The following PTBP3 variants were observed in gnomAD, a reference collection of about 807,000 sequenced individuals.
The protein encoded by PTBP3 is polypyrimidine tract-binding protein 3.
A neutral mutation model predicts 58.7 loss-of-function variants in PTBP3; 20 were observed. The ratio of observed to expected loss-of-function variants is 0.34; its 90% CI spans 0.24 to 0.50. The LOEUF (loss-of-function observed/expected upper bound fraction) is 0.50. Ranked by LOEUF, PTBP3 falls within the 20% of genes least tolerant of loss-of-function variation. PTBP3 has a pLI of 0.98. For synonymous variants in PTBP3, 185 were observed against 219.8 expected, an observed-to-expected ratio of 0.84 and a Z score of 1.40; for missense variants, 509 against 637.2, an observed-to-expected ratio of 0.80 and a Z score of 2.17.
chr9:112,340,620 C>A, the PTBP3 span, among the ~76,000 whole-genome samples: 2 of 152,146 alleles, frequency 1.3e-5, no homozygotes, highest in African/African-American at 4.8e-5. Flanking sequence ...CAGTGGCTCA[C>A]GCCTGTAATC....
intron 3 of PTBP3, 110 bp downstream of exon 3, chr9:112,275,734 T>A (rs1354731894): frequency 1.9e-6 from 2 of 1,042,338 alleles, no homozygotes; most frequent in Non-Finnish European, 2.7e-6. Context: ...CTAACTTATG[T>A]TCATAGTATG....
At chr9:112,247,266 A>C (rs927931805) in intron 7 of PTBP3, among the ~76,000 whole-genome samples, 2 of 100,104 alleles carry the variant, frequency 2.0e-5, no homozygotes, top group Non-Finnish European at 4.0e-5. Context: ...TCCCTGTTTC[A>C]ATAATAAATA....
chr9:112,258,858 T>C (rs1214124515), intron 5 of PTBP3, among the ~76,000 whole-genome samples: 1 of 152,108 alleles, frequency 6.6e-6, no homozygotes. Flanking sequence ...AAAAAATCCA[T>C]AATCACCACT....
chr9:112,306,600 A>G (rs1488614719), intron 1 of PTBP3, among the ~76,000 whole-genome samples: 28 of 97,366 alleles, frequency 2.9e-4, no homozygotes, highest in African/African-American at 1.2e-3. Flanking sequence ...ATATATATAT[A>G]TATATTTTTG....
the PTBP3 span, among the ~76,000 whole-genome samples, chr9:112,351,696 T>C: frequency 6.6e-6 from 1 of 152,176 alleles, no homozygotes; most frequent in Admixed American, 6.5e-5. Flanking sequence ...CTCATGAATA[T>C]TTATTTATTT....
At chr9:112,379,861 T>TC in the PTBP3 span, 2 of 522,020 alleles carry the variant, frequency 3.8e-6, no homozygotes, top group Non-Finnish European at 3.4e-6. Context: ...GACAGGAGCC[T>TC]GATTGTCACC....
rs577503515 is a variant in PTBP3 at position 112,251,941 on chromosome 9, C to G, written c.627+737G>C. On this transcript the variant is annotated intron_variant, in intron 6 of 13. Coordinates refer to ENST00000374257, the MANE Select transcript of PTBP3 (RefSeq NM_001163788.4). ...TGAGTGCCAGACACTGTGTGGTACA[C>G]AAAAGTACCACAAGCCATAGTCCTC... Among the ~76,000 whole-genome samples the G allele has an allele frequency of 3.9e-5, 6 of 152,022 alleles. No individual in the cohort carries two copies. In the East Asian group the frequency reaches 1.2e-3, roughly 29 times the overall value.
At chr9:112,346,920 C>T in the PTBP3 span, among the ~76,000 whole-genome samples, 1 of 152,106 alleles carries the variant, frequency 6.6e-6, no homozygotes. Flanking sequence ...GATGGAGTTT[C>T]GCCATGTTGG....
chr9:112,353,380 G>C, the PTBP3 span, among the ~76,000 whole-genome samples: 2 of 151,430 alleles, frequency 1.3e-5, no homozygotes, highest in African/African-American at 4.9e-5. Context: ...TAAGGTAGCA[G>C]AGAAAAAGGG....
chr9:112,332,795 A>G (rs1564471245), intron 1 of PTBP3: 1 of 1,612,554 alleles, frequency 6.2e-7, no homozygotes, highest in South Asian at 1.1e-5. Flanking sequence ...CGGGCAGATA[A>G]TTCATTAAGT....
chr9:112,259,217 T>G (rs1422564631), intron 5 of PTBP3, among the ~76,000 whole-genome samples: 2 of 152,144 alleles, frequency 1.3e-5, no homozygotes, highest in Non-Finnish European at 2.9e-5. Context: ...CCTCCCAAAG[T>G]GCTGGGATTA....
chr9:112,253,984 C>CTTT (rs1359223040), intron 5 of PTBP3, among the ~76,000 whole-genome samples: 1 of 152,106 alleles, frequency 6.6e-6, no homozygotes, highest in Non-Finnish European at 1.5e-5. Context: ...ATTTGTTCTG[C>CTTT]TTTTGAGATT....
chr9:112,262,722 G>T, intron 4 of PTBP3, 123 bp from the exon 5 acceptor site: 1 of 811,818 alleles, frequency 1.2e-6, no homozygotes, highest in Non-Finnish European at 1.7e-6. Flanking sequence ...TATCTACTCC[G>T]TCTGGAGATA....
At chr9:112,233,479 G>A (rs1835325983) in intron 8 of PTBP3, among the ~76,000 whole-genome samples, 1 of 151,880 alleles carries the variant, frequency 6.6e-6, no homozygotes, top group African/African-American at 2.4e-5. Context: ...AAACCTTGAG[G>A]AGCTTCAAAT....
rs35276003 is a variant in PTBP3 at position 112,295,601 on chromosome 9, TA to T, written c.34+2230del. Among the ~76,000 whole-genome samples the T allele has an allele frequency of 3.6e-3, 330 of 92,504 alleles. 1 individual carries two copies. The highest frequency in any genetic ancestry group is 4.5e-3 in the Non-Finnish European group (219 of 48,192). The allele number at this position is 92,504 out of a possible 152,430, so 60.7% of individuals were successfully genotyped here. A position where few individuals can be genotyped will look rare whatever the true frequency, so the allele number is the denominator to read the frequency against. On this transcript the variant is annotated intron_variant, in intron 2 of 13. Transcript: ENST00000374257. Reference sequence around the variant, plus strand: ...CAGATAAAAATTGAGGTTCTGTTGGTAAAAAAAAAAAAAAAAAAAAAAGAAT... The same window carrying T: ...CAGATAAAAATTGAGGTTCTGTTGGTAAAAAAAAAAAAAAAAAAAAAGAAT...
chr9:112,308,061 C>CT (rs1168124762), intron 1 of PTBP3, among the ~76,000 whole-genome samples: 1 of 152,098 alleles, frequency 6.6e-6, no homozygotes, highest in Non-Finnish European at 1.5e-5. Context: ...TAAACATTCC[C>CT]TTTTTTTGAG....
chr9:112,366,641 T>A, the PTBP3 span, among the ~76,000 whole-genome samples: 1 of 152,206 alleles, frequency 6.6e-6, no homozygotes, highest in Admixed American at 6.5e-5. Flanking sequence ...GTAGAAATGC[T>A]TGGATGCCCA....
chr9:112,248,623 A>T (rs544510278), intron 7 of PTBP3, among the ~76,000 whole-genome samples: 10 of 152,138 alleles, frequency 6.6e-5, no homozygotes, highest in East Asian at 3.9e-4. Context: ...CTAAAATAAA[A>T]TTTTTTTTAA....
At chr9:112,332,745 A>T in intron 1 of PTBP3, 1 of 1,608,996 alleles carries the variant, frequency 6.2e-7, no homozygotes. Flanking sequence ...AGCATTTGAA[A>T]TGCCCCCGAA....
Sources: allele counts gnomAD v4.1 joint callset (sites outside exome capture counted in the v4.1 genomes callset), GRCh38; gene constraint gnomAD v4.1.1; transcripts MANE v1.5; gene names NCBI Gene and HGNC (gene_info 2026-07-23, HGNC 2026-07-21).